MARCHF7: variants seen among roughly 807,000 people sequenced by gnomAD.
The protein encoded by MARCHF7 is E3 ubiquitin-protein ligase MARCHF7.
In MARCHF7, 20 loss-of-function variants were observed where a neutral mutation model predicts 76.5. The observed-to-expected ratio is 0.26, with a 90% CI of 0.18 to 0.38. MARCHF7 has a LOEUF of 0.38. Among genes scored for constraint, MARCHF7 ranks in the 10% least tolerant of loss-of-function variants. The pLI is 1.00. For missense variants in MARCHF7, 797 were observed against 812.9 expected, an observed-to-expected ratio of 0.98 and a Z score of 0.24; for synonymous variants, 295 against 293.0, an observed-to-expected ratio of 1.01 and a Z score of -0.07.
chr2:159,765,460 G>C (rs1274241404), intron 11 of MARCHF7, among the ~76,000 whole-genome samples: 1 of 152,112 alleles, frequency 6.6e-6, no homozygotes. Context: ...AGAAATTGAA[G>C]ATTACCCCAC....
At chr2:159,744,841 G>T (rs1193043881) in intron 5 of MARCHF7, among the ~76,000 whole-genome samples, 1 of 152,164 alleles carries the variant, frequency 6.6e-6, no homozygotes, top group African/African-American at 2.4e-5. Context: ...TAAGATTAGG[G>T]AAGAAAGAAT....
chr2:159,758,394 G>A (rs1706592847), intron 8 of MARCHF7, among the ~76,000 whole-genome samples: 1 of 152,144 alleles, frequency 6.6e-6, no homozygotes, highest in South Asian at 2.1e-4. Flanking sequence ...TAAGTATACA[G>A]TTGGATCCAT....
intron 5 of MARCHF7, among the ~76,000 whole-genome samples, chr2:159,745,388 G>A (rs997023236): frequency 3.3e-5 from 5 of 152,274 alleles, no homozygotes; most frequent in African/African-American, 1.2e-4. Flanking sequence ...GGGTGCGGTG[G>A]CTCGTGCTGT....
intron 9 of MARCHF7, among the ~76,000 whole-genome samples, chr2:159,761,776 CAT>C (rs1491524066): frequency 6.6e-6 from 1 of 152,154 alleles, no homozygotes; most frequent in African/African-American, 2.4e-5. Context: ...GTACTAAGAA[CAT>C]AGAGTTCTTA....
At position 159,748,097 on chromosome 2, in the gene MARCHF7, A is replaced by G. The variant is rs1476134268; in HGVS notation, c.807A>G (p.Glu269=). The change falls in exon 7 of 12, where the codon GAA becomes GAG. Residue 269 remains glutamate, a synonymous_variant. Coordinates refer to ENST00000409175, the MANE Select transcript of MARCHF7 (RefSeq NM_001282805.2). ...RVVSSQRPFQ[E]SSDNEGRRTT... ...TTTCATCTCAAAGACCATTTCAAGA[A>G]TCTTCTGACAATGAAGGTAGGCGGA... 2 of 1,614,148 alleles carry G rather than the reference A, an allele frequency of 1.2e-6. No individual in the cohort carries two copies. The highest frequency in any genetic ancestry group is 1.7e-6 in the Non-Finnish European group (2 of 1,180,004).
chr2:159,743,385 A>C (rs1300337330), intron 5 of MARCHF7, 132 bp downstream of exon 5: 1 of 763,424 alleles, frequency 1.3e-6, no homozygotes, highest in Non-Finnish European at 2.1e-6. Context: ...AATTTCCAAA[A>C]TCTTACTTTA....
chr2:159,758,558 C>T (rs945666715), intron 8 of MARCHF7, among the ~76,000 whole-genome samples: 1 of 152,192 alleles, frequency 6.6e-6, no homozygotes, highest in African/African-American at 2.4e-5. Context: ...TGTGAATTTG[C>T]ATATTCCAGA....
intron 4 of MARCHF7, among the ~76,000 whole-genome samples, chr2:159,738,758 A>T (rs1474821854): frequency 6.6e-6 from 1 of 151,838 alleles, no homozygotes; most frequent in African/African-American, 2.4e-5. Context: ...ATAAGTTCTC[A>T]CTCCGGTCCG....
intron 3 of MARCHF7, among the ~76,000 whole-genome samples, chr2:159,718,091 C>T (rs1307405742): frequency 1.3e-5 from 2 of 152,148 alleles, no homozygotes; most frequent in Non-Finnish European, 2.9e-5. Context: ...CAGCAAACCT[C>T]ACAATATACC....
chr2:159,728,764 A>G (rs1702447936), intron 3 of MARCHF7, among the ~76,000 whole-genome samples: 1 of 152,212 alleles, frequency 6.6e-6, no homozygotes, highest in African/African-American at 2.4e-5. Flanking sequence ...TTTGGAAACA[A>G]CAGACCTCAG....
In MARCHF7 at chr2:159,748,861, C is replaced by G; in HGVS notation, c.1571C>G (p.Ala524Gly). Reference sequence around the variant, plus strand: ...GGTAAAAGTGATAAAACTAAAAGTGCGCCTTCAAGAGATCCAGAAAGATTG... The same window carrying G: ...GGTAAAAGTGATAAAACTAAAAGTGGGCCTTCAAGAGATCCAGAAAGATTG... ...ADGKSDKTKSAPSRDPERLQK... is the reference protein window; with the variant it reads ...ADGKSDKTKSGPSRDPERLQK... Residue 524 changes from alanine to glycine, a missense_variant, in exon 7 of 12, where the codon GCG becomes GGG. Ala to Gly is a moderately conservative substitution (Grantham distance 60, BLOSUM62 0). Transcript: ENST00000409175. The G allele has an allele frequency of 6.2e-7, 1 of 1,612,042 alleles. No homozygotes were observed. Among genetic ancestry groups the G allele is most frequent in the Non-Finnish European group, 8.5e-7 (1 of 1,179,238 alleles).
At chr2:159,718,077 G>T (rs1041397887) in intron 3 of MARCHF7, among the ~76,000 whole-genome samples, 3 of 152,184 alleles carry the variant, frequency 2.0e-5, no homozygotes, top group African/African-American at 7.2e-5. Context: ...CACATGCTGT[G>T]TGCCAGCAAA....
chr2:159,728,250 T>C (rs7607143), intron 3 of MARCHF7, among the ~76,000 whole-genome samples: 70,155 of 152,074 alleles, frequency 0.46, 18,077 homozygotes, highest in African/African-American at 0.7. Context: ...TCAGAAGGTC[T>C]TTACTGTCAG....
intron 3 of MARCHF7, among the ~76,000 whole-genome samples, chr2:159,721,481 T>C (rs1464585123): frequency 1.3e-5 from 2 of 152,156 alleles, no homozygotes; most frequent in African/African-American, 4.8e-5. Flanking sequence ...AGAGTAAAAG[T>C]ATGTCTTATT....
At chr2:159,725,199 G>T (rs1441770519) in intron 3 of MARCHF7, among the ~76,000 whole-genome samples, 1 of 152,202 alleles carries the variant, frequency 6.6e-6, no homozygotes, top group Non-Finnish European at 1.5e-5. Flanking sequence ...TATATACCCA[G>T]TAATGGGATG....
intron 10 of MARCHF7, 73 bp from the exon 11 acceptor site, chr2:159,764,553 T>G: frequency 8.2e-7 from 1 of 1,216,096 alleles, no homozygotes. Flanking sequence ...GAAATGAATC[T>G]CCTATACTGA....
At chr2:159,730,119 T>C (rs1213525295) in intron 4 of MARCHF7, among the ~76,000 whole-genome samples, 1 of 152,168 alleles carries the variant, frequency 6.6e-6, no homozygotes. Flanking sequence ...CCCAGACTGG[T>C]CTCAAACTCT....
chr2:159,728,916 A>G (rs992830828), intron 3 of MARCHF7, 93 bp from the exon 4 acceptor site: 3 of 682,218 alleles, frequency 4.4e-6, no homozygotes, highest in Admixed American at 3.9e-5. Flanking sequence ...TTGTATGGTT[A>G]ATTTTTTATT....
intron 3 of MARCHF7, among the ~76,000 whole-genome samples, chr2:159,727,173 C>T (rs75247058): frequency 0.066 from 9,997 of 152,164 alleles, 354 homozygotes; most frequent in East Asian, 0.093. Flanking sequence ...TATAGATGAA[C>T]TTTGAGAACA....
Sources: allele counts gnomAD v4.1 joint callset (sites outside exome capture counted in the v4.1 genomes callset), GRCh38; gene constraint gnomAD v4.1.1; transcripts MANE v1.5; gene names NCBI Gene and HGNC (gene_info 2026-07-23, HGNC 2026-07-21).